The following CPNE7 variants were observed in gnomAD, a reference collection of about 807,000 sequenced individuals.
The protein encoded by CPNE7 is copine-7.
A neutral mutation model predicts 66.5 loss-of-function variants in CPNE7; 78 were observed. The ratio of observed to expected loss-of-function variants is 1.17; its 90% CI spans 0.98 to 1.42. The LOEUF is 1.42. Ranked by LOEUF, CPNE7 falls within the 40% of genes most tolerant of loss-of-function variation. The pLI is 0.00. For synonymous variants in CPNE7, 468 were observed against 336.7 expected (o/e 1.39, Z -4.27); for missense variants, 1,012 against 776.6 (o/e 1.30, Z -3.60).
In CPNE7 at chr16:89,596,819, ACAGGCCCC is replaced by A; in HGVS notation, c.*201_*208del. The A allele has an allele frequency of 1.7e-6, 1 of 583,070 alleles. No homozygotes were observed. Among genetic ancestry groups the A allele is most frequent in the Non-Finnish European group, 2.7e-6 (1 of 367,522 alleles). The allele number at this position is 583,070 out of a possible 1,614,324, so 36.1% of individuals were successfully genotyped here. A position where few individuals can be genotyped will look rare whatever the true frequency, so the allele number is the denominator to read the frequency against. ...CCCCAAGGCCGAAGGGTGACAAAAT[ACAGGCCCC>A]CATGCCTGGCCCTGCCTGAGCCAGG... On this transcript the variant is annotated 3_prime_UTR_variant, in exon 15 of 15. Transcript: ENST00000319518.
In CPNE7 at chr16:89,585,323, G is replaced by T. The variant is rs1597702657; in HGVS notation, c.592-141G>T. On this transcript the variant is annotated intron_variant, in intron 5 of 14. Transcript: ENST00000319518. ...GGGAGTGGGTGCCAGCCCCAGCTCA[G>T]GGCCCCGGCGCTGTCTGGGGTGATG... 17 of 643,780 alleles carry T rather than the reference G, an allele frequency of 2.6e-5. No individual in the cohort carries two copies. The South Asian group carries it at 3.0e-4, about 11-fold the overall frequency. The allele number at this position is 643,780 out of a possible 1,614,324, so 39.9% of individuals were successfully genotyped here.
In CPNE7 at chr16:89,591,177, C is replaced by G; in HGVS notation, c.1219C>G (p.Leu407Val). ...AYQNCLPRVQ[L>V]YGPTNVAPII... ...CCAGAACTGCCTGCCCAGGGTCCAGCTCTACGGCCCCACCAACGTGGCGCC... is the reference window on the plus strand; with the variant it reads ...CCAGAACTGCCTGCCCAGGGTCCAGGTCTACGGCCCCACCAACGTGGCGCC... The change falls in exon 13 of 15, where the codon CTC (leucine) becomes GTC (valine). Residue 407 changes from leucine (L) to valine (V), a missense_variant. By Grantham distance (32) the Leu-to-Val change is conservative (BLOSUM62 1). Transcript: ENST00000319518. 6.2e-7 allele frequency: 1 copy of G among 1,604,134 alleles called. No individual in the cohort carries two copies. Among genetic ancestry groups the G allele is most frequent in the Non-Finnish European group, 8.5e-7 (1 of 1,175,610 alleles).
intron 2 of CPNE7, chr16:89,583,374 G>A (rs1324232212): frequency 6.9e-7 from 1 of 1,444,780 alleles, no homozygotes; most frequent in South Asian, 1.2e-5. Context: ...ACCTGTGCAG[G>A]TGCAGGCCAG....
chr16:89,592,813 T>TTC (rs201644693), intron 13 of CPNE7, among the ~76,000 whole-genome samples: 4 of 142,410 alleles, frequency 2.8e-5, no homozygotes, highest in East Asian at 3.0e-4. Flanking sequence ...TTCTTTTCTT[T>TTC]TTTTTTTTTT....
Position 89,594,830 on chromosome 16 carries a change from T to C in CPNE7, c.1303-537T>C, listed in dbSNP as rs141835168. 0.021 allele frequency among the ~76,000 whole-genome samples: 3,226 copies of C among 151,766 alleles called. 511 individuals carry two copies. The East Asian group carries it at 0.45, about 21-fold the overall frequency. On this transcript the variant is annotated intron_variant, in intron 13 of 14. Coordinates refer to ENST00000319518, the MANE Select transcript of CPNE7 (RefSeq NM_153636.3). ...CCACGCCCAGCTAGTTTTTGTATTT[T>C]TAGTAGAGATGGGGTTTCACCATTT...
intron 9 of CPNE7, among the ~76,000 whole-genome samples, chr16:89,588,359 GGCCCTGCC>G (rs2059117155): frequency 6.6e-6 from 1 of 152,232 alleles, no homozygotes; most frequent in Non-Finnish European, 1.5e-5. Flanking sequence ...GGTCCACTTA[GGCCCTGCC>G]GGGGAGGGTG....
chr16:89,587,123 CA>C (rs757275089), intron 9 of CPNE7, 21 bp downstream of exon 9: 191 of 1,453,714 alleles, frequency 1.3e-4, no homozygotes, highest in South Asian at 2.7e-4. Flanking sequence ...GGCCCCGCCC[CA>C]TGCCGCCCCC....
chr16:89,578,436 G>A (rs1006062500), intron 2 of CPNE7, among the ~76,000 whole-genome samples: 8 of 152,006 alleles, frequency 5.3e-5, no homozygotes, highest in Admixed American at 5.2e-4. Flanking sequence ...CTTCCACGAC[G>A]TGCAGCAGCC....
rs771493566 is a variant in CPNE7, at chr16:89,596,752, A to C, written c.*131A>C. ...CCAGTCCCCACCAGGCCCCACTCCCAGTCCTCCTGGGATCCTGCTGGCTTG... is the reference window on the plus strand; with the variant it reads ...CCAGTCCCCACCAGGCCCCACTCCCCGTCCTCCTGGGATCCTGCTGGCTTG... On this transcript the variant is annotated 3_prime_UTR_variant, in exon 15 of 15. Coordinates refer to ENST00000319518, the MANE Select transcript of CPNE7 (RefSeq NM_153636.3). The C allele has an allele frequency of 8.0e-5, 93 of 1,159,134 alleles. No homozygotes were observed. Among genetic ancestry groups the C allele is most frequent in the Non-Finnish European group, 1.0e-4 (88 of 884,324 alleles). 71.8% of individuals were successfully genotyped at this position (1,159,134 alleles called of 1,614,324 possible). A position where few individuals can be genotyped will look rare whatever the true frequency, so the allele number is the denominator to read the frequency against.
At chr16:89,577,973 G>A (rs758513343) in intron 2 of CPNE7, among the ~76,000 whole-genome samples, 1 of 152,214 alleles carries the variant, frequency 6.6e-6, no homozygotes, top group African/African-American at 2.4e-5. Flanking sequence ...GCCCCATCCA[G>A]CTGCTGCCAG....
At chr16:89,580,191 C>T (rs1376580379) in intron 2 of CPNE7, among the ~76,000 whole-genome samples, 1 of 52,140 alleles carries the variant, frequency 1.9e-5, no homozygotes, top group Non-Finnish European at 5.5e-5. Flanking sequence ...AACATCTCAC[C>T]CGTCACACGG....
Position 89,583,744 on chromosome 16 carries a change from C to T in CPNE7, c.405C>T (p.Gly135=). The T allele has an allele frequency of 6.2e-7, 1 of 1,612,768 alleles. No individual in the cohort carries two copies. Among genetic ancestry groups the T allele is most frequent in the Non-Finnish European group, 8.5e-7 (1 of 1,179,920 alleles). Residue 135 remains glycine, a synonymous_variant, in exon 3 of 15, where the codon GGC becomes GGT. Transcript: ENST00000319518. ...CCCGCCCGCTGCTGCTCAAGTTTGG[C>T]AGGAACGCTGGCAAGTCCACCATCA... ...KVTRPLLLKF[G]RNAGKSTITV...
At chr16:89,588,475 G>C (rs1272479960) in intron 9 of CPNE7, among the ~76,000 whole-genome samples, 200 bp from the exon 10 acceptor site, 1 of 152,100 alleles carries the variant, frequency 6.6e-6, no homozygotes, top group Non-Finnish European at 1.5e-5. Flanking sequence ...AGGGAGCCTA[G>C]GGGCTGGCAG....
intron 13 of CPNE7, among the ~76,000 whole-genome samples, chr16:89,593,783 A>T (rs573885614): frequency 6.6e-6 from 1 of 152,262 alleles, no homozygotes; most frequent in African/African-American, 2.4e-5. Context: ...CTATATTCCA[A>T]TTTCATTCAT....
chr16:89,581,238 CTCACACGGAACATCCGATCACCCG>C (rs2058954182), intron 2 of CPNE7, among the ~76,000 whole-genome samples: 1 of 149,024 alleles, frequency 6.7e-6, no homozygotes, highest in African/African-American at 2.5e-5. Context: ...CCATCACCCA[CTCACACGGAACATCCGATCACCCG>C]TCACACGGAA....
In CPNE7 at chr16:89,584,118, G is replaced by C. The variant is rs374891758; in HGVS notation, c.507+16G>C. 3 of 1,604,282 alleles carry C rather than the reference G, an allele frequency of 1.9e-6. No homozygotes were observed. The highest frequency in any genetic ancestry group is 1.7e-6 in the Non-Finnish European group (2 of 1,176,166). ...GGACGACAAGGTGAGTGCAGGTGCCGGGCACGCCTGGCTCAGGCTGAGGTC... is the reference window on the plus strand; with the variant it reads ...GGACGACAAGGTGAGTGCAGGTGCCCGGCACGCCTGGCTCAGGCTGAGGTC... On this transcript the variant is annotated intron_variant, in intron 4 of 14. Transcript: ENST00000319518. This position sits in a 1 kb window ranked among gnomAD's most constrained non-coding sequence, Gnocchi z 6.0.
chr16:89,591,832 C>CTGGGA, intron 13 of CPNE7, among the ~76,000 whole-genome samples: 2 of 152,000 alleles, frequency 1.3e-5, no homozygotes, highest in African/African-American at 4.8e-5. Context: ...TCCCAAGGAG[C>CTGGGA]TGGGACTACA....
chr16:89,595,635 G>A lies in CPNE7; in HGVS notation c.1539+32G>A, dbSNP rs189609062. On this transcript the variant is annotated intron_variant, in intron 14 of 14. Transcript: ENST00000319518. ...GTCCTGGAGGGGCTCCGTCAAGGCCGGCTTGGGGGTCCCTGTTCATGTCAC... is the reference window on the plus strand; with the variant it reads ...GTCCTGGAGGGGCTCCGTCAAGGCCAGCTTGGGGGTCCCTGTTCATGTCAC... The A allele has an allele frequency of 2.5e-4, 388 of 1,558,718 alleles. No homozygotes were observed. The African/African-American group carries it at 3.5e-3, about 14-fold the overall frequency.
chr16:89,594,398 C>T (rs1280520401), intron 13 of CPNE7, among the ~76,000 whole-genome samples: 2 of 152,182 alleles, frequency 1.3e-5, no homozygotes, highest in African/African-American at 2.4e-5. Flanking sequence ...AAAAGAGAGC[C>T]TCTTGGAGAA....
Sources: gnomAD v4.1 joint callset for allele counts (sites outside exome capture counted in the v4.1 genomes callset) on GRCh38, gnomAD v4.1.1 for gene constraint, Gnocchi (gnomAD v3.1) non-coding constraint, MANE v1.5 for transcripts, NCBI Gene and HGNC (gene_info 2026-07-23, HGNC 2026-07-21) for gene names.